SPATA31F1: variants seen among roughly 807,000 people sequenced by gnomAD.
The protein encoded by SPATA31F1 is SPATA31 subfamily F member 1.
At chr9:34,723,750 G>A in the SPATA31F1 span, 1 of 1,551,680 alleles carries the variant, frequency 6.4e-7, no homozygotes, top group South Asian at 1.2e-5. Context: ...TGTGAAGCCT[G>A]GGGCAACACA....
At chr9:34,724,798 C>T in the SPATA31F1 span, 1 of 1,551,344 alleles carries the variant, frequency 6.4e-7, no homozygotes, top group East Asian at 2.4e-5. Flanking sequence ...CGGGACTAGG[C>T]TCCATCTCTG....
the SPATA31F1 span, chr9:34,726,965 C>T: frequency 6.5e-7 from 1 of 1,550,024 alleles, no homozygotes; most frequent in Non-Finnish European, 8.7e-7. Context: ...CCGCACACTT[C>T]TCTCCAGAGG....
the SPATA31F1 span, chr9:34,728,777 A>G: frequency 5.9e-6 from 5 of 849,714 alleles, no homozygotes; most frequent in Non-Finnish European, 5.6e-6. Context: ...TATTTTATAC[A>G]CTCTCCTGGA....
the SPATA31F1 span, chr9:34,723,945 A>G: frequency 1.3e-6 from 2 of 1,551,408 alleles, no homozygotes; most frequent in East Asian, 2.4e-5. Flanking sequence ...CTACGGCTCC[A>G]TCGCCAGGAC....
the SPATA31F1 span, chr9:34,729,245 T>A: frequency 6.5e-7 from 1 of 1,537,648 alleles, no homozygotes; most frequent in Admixed American, 2.1e-5. Flanking sequence ...AGGCTTCTTA[T>A]CTGAGGCTTA....
At chr9:34,724,498 C>T in the SPATA31F1 span, 10 of 1,551,548 alleles carry the variant, frequency 6.4e-6, no homozygotes, top group African/African-American at 1.2e-4. Flanking sequence ...CAGTTTGTTC[C>T]CTGGACTTCC....
the SPATA31F1 span, chr9:34,728,590 G>A: frequency 6.5e-7 from 1 of 1,549,544 alleles, no homozygotes; most frequent in Non-Finnish European, 8.7e-7. Context: ...GGGAGTCAGA[G>A]GAGAGATTGG....
At chr9:34,726,980 C>A in the SPATA31F1 span, 1 of 1,546,388 alleles carries the variant, frequency 6.5e-7, no homozygotes, top group African/African-American at 1.4e-5. Flanking sequence ...CAGAGGAAGC[C>A]AGCCCTGGCT....
the SPATA31F1 span, chr9:34,723,539 G>T: frequency 6.4e-7 from 1 of 1,551,678 alleles, no homozygotes; most frequent in African/African-American, 1.4e-5. Context: ...TGAGAACATG[G>T]AGTCCTCATG....
At chr9:34,728,374 T>G in the SPATA31F1 span, among the ~76,000 whole-genome samples, 1 of 152,254 alleles carries the variant, frequency 6.6e-6, no homozygotes, top group Admixed American at 6.5e-5. Context: ...ACTAGTAAGT[T>G]ATACAATTAA....
At chr9:34,724,332 T>A in the SPATA31F1 span, 10 of 1,551,284 alleles carry the variant, frequency 6.4e-6, no homozygotes, top group East Asian at 2.4e-4. Context: ...TGCACTGCCT[T>A]CAAGTCATTG....
chr9:34,727,523 T>A, the SPATA31F1 span, among the ~76,000 whole-genome samples: 1 of 152,182 alleles, frequency 6.6e-6, no homozygotes, highest in African/African-American at 2.4e-5. Flanking sequence ...AAGGAGAGGA[T>A]AATATAATAG....
At chr9:34,723,282 G>C in the SPATA31F1 span, 1 of 1,551,782 alleles carries the variant, frequency 6.4e-7, no homozygotes, top group Admixed American at 2.0e-5. Flanking sequence ...GGACAGTGAC[G>C]AGGGCAGTGG....
At chr9:34,726,962 C>T in the SPATA31F1 span, 1 of 1,550,350 alleles carries the variant, frequency 6.5e-7, no homozygotes, top group Non-Finnish European at 8.7e-7. Context: ...TCGCCGCACA[C>T]TTCTCTCCAG....
the SPATA31F1 span, chr9:34,729,409 C>A: frequency 5.8e-6 from 9 of 1,550,432 alleles, no homozygotes; most frequent in Non-Finnish European, 7.8e-6. Context: ...TCCCACAGAA[C>A]AAAAGTAGGG....
chr9:34,728,949 T>A, the SPATA31F1 span, among the ~76,000 whole-genome samples: 6 of 152,086 alleles, frequency 3.9e-5, no homozygotes, highest in Non-Finnish European at 7.4e-5. Context: ...GACAAAAGGG[T>A]AAATGGTTCT....
chr9:34,729,283 C>T, the SPATA31F1 span: 1 of 1,551,820 alleles, frequency 6.4e-7, no homozygotes, highest in Non-Finnish European at 8.7e-7. Flanking sequence ...CACAGCCCTA[C>T]CCGGCAGCAG....
chr9:34,723,319 G>A, the SPATA31F1 span: 7 of 1,551,626 alleles, frequency 4.5e-6, no homozygotes, highest in Admixed American at 2.0e-5. Flanking sequence ...CTGAGGCAGA[G>A]CCAGGTTGTC....
chr9:34,729,404 C>T, the SPATA31F1 span: 2 of 1,550,674 alleles, frequency 1.3e-6, no homozygotes, highest in African/African-American at 2.7e-5. Context: ...CAACTTCCCA[C>T]AGAACAAAAG....
Sources: gnomAD v4.1 joint callset for allele counts (sites outside exome capture counted in the v4.1 genomes callset) on GRCh38, gnomAD v4.1.1 for gene constraint, MANE v1.5 for transcripts, NCBI Gene and HGNC (gene_info 2026-07-23, HGNC 2026-07-21) for gene names.